The following CYB5R4 variants were observed in gnomAD, a reference collection of about 807,000 sequenced individuals.
CYB5R4 encodes N-terminal cytochrome b5 and cytochrome b5 oxidoreductase domain-containing protein.
A neutral mutation model predicts 70.2 loss-of-function variants in CYB5R4; 55 were observed. That is an observed-to-expected ratio of 0.78 (90% confidence interval 0.63 to 0.98). The LOEUF is 0.98. Ranked by LOEUF, CYB5R4 falls within the 50% of genes least tolerant of loss-of-function variation. The probability of loss-of-function intolerance (pLI) is 0.00; values close to 1 mark genes in which losing one functional copy is unlikely to be tolerated. For synonymous variants in CYB5R4, 197 were observed against 199.5 expected (o/e 0.99, Z 0.11); for missense variants, 562 against 612.6 (o/e 0.92, Z 0.87).
rs763425675 is a variant in CYB5R4, at chr6:83,859,824, G to A, written c.42G>A (p.Ser14=). The A allele has an allele frequency of 6.2e-7, 1 of 1,613,386 alleles. No homozygotes were observed. The highest frequency in any genetic ancestry group is 2.2e-5 in the East Asian group (1 of 44,842). ...VPSQSFPAPR[S]QQRVASGGRS... ...CCCAGTCTTTCCCGGCCCCCAGGTCGCAGCAGCGTGTCGCCTCCGGGGGGC... is the reference window on the plus strand; with the variant it reads ...CCCAGTCTTTCCCGGCCCCCAGGTCACAGCAGCGTGTCGCCTCCGGGGGGC... Residue 14 remains serine, a synonymous_variant, in exon 1 of 16, where the codon TCG becomes TCA. Coordinates refer to ENST00000369681, the MANE Select transcript of CYB5R4 (RefSeq NM_016230.4).
At chr6:83,864,137 A>G in intron 1 of CYB5R4, 38 bp from the exon 2 acceptor site, 1 of 1,501,208 alleles carries the variant, frequency 6.7e-7, no homozygotes, top group South Asian at 1.3e-5. Flanking sequence ...ATTAAAAGTA[A>G]TGAAGCTAGA....
intron 3 of CYB5R4, among the ~76,000 whole-genome samples, chr6:83,895,970 C>G (rs34223447): frequency 0.043 from 6,491 of 152,258 alleles, 141 homozygotes; most frequent in Middle Eastern, 0.048. Flanking sequence ...TCTTATCTTG[C>G]ATTTCCAAAT....
chr6:83,868,669 C>G (rs568729385), intron 2 of CYB5R4, among the ~76,000 whole-genome samples: 1 of 152,240 alleles, frequency 6.6e-6, no homozygotes, highest in Non-Finnish European at 1.5e-5. Context: ...ATATTTTTCT[C>G]TCTTGTTTCT....
intron 14 of CYB5R4, among the ~76,000 whole-genome samples, chr6:83,948,946 T>A (rs1745067483): frequency 6.6e-6 from 1 of 151,984 alleles, no homozygotes; most frequent in Non-Finnish European, 1.5e-5. Context: ...GCCTTTATCC[T>A]CCCTCTGCTG....
At chr6:83,899,822 C>A (rs2099462573) in intron 3 of CYB5R4, among the ~76,000 whole-genome samples, 1 of 152,108 alleles carries the variant, frequency 6.6e-6, no homozygotes, top group Non-Finnish European at 1.5e-5. Flanking sequence ...TCCCCTTTAT[C>A]ATTTTTTATT....
intron 14 of CYB5R4, among the ~76,000 whole-genome samples, chr6:83,949,747 G>C (rs1011021016): frequency 6.6e-6 from 1 of 152,102 alleles, no homozygotes; most frequent in Admixed American, 6.6e-5. Context: ...TTAGCAAATG[G>C]AATTCTTCAA....
intron 10 of CYB5R4, among the ~76,000 whole-genome samples, chr6:83,930,760 C>A (rs1385959178): frequency 6.6e-6 from 1 of 151,496 alleles, no homozygotes; most frequent in Non-Finnish European, 1.5e-5. Flanking sequence ...ATATTTGAAG[C>A]CCGCTGTTGA....
intron 5 of CYB5R4, among the ~76,000 whole-genome samples, chr6:83,915,722 T>G (rs1256343061): frequency 1.3e-5 from 2 of 152,224 alleles, no homozygotes; most frequent in Non-Finnish European, 2.9e-5. Context: ...CATATCTGTC[T>G]ATCTATATAT....
At chr6:83,862,386 A>G (rs2099456089) in intron 1 of CYB5R4, among the ~76,000 whole-genome samples, 1 of 152,256 alleles carries the variant, frequency 6.6e-6, no homozygotes, top group Non-Finnish European at 1.5e-5. Context: ...AATAGTGAAC[A>G]TTCAGTTATA....
At chr6:83,899,456 A>G (rs1185317766) in intron 3 of CYB5R4, among the ~76,000 whole-genome samples, 1 of 152,060 alleles carries the variant, frequency 6.6e-6, no homozygotes, top group Non-Finnish European at 1.5e-5. Flanking sequence ...CCAGGCTTTG[A>G]TATGAGGATG....
intron 3 of CYB5R4, among the ~76,000 whole-genome samples, chr6:83,902,998 T>C (rs2099463233): frequency 6.6e-6 from 1 of 152,128 alleles, no homozygotes; most frequent in African/African-American, 2.4e-5. Flanking sequence ...TCTTTTCTAA[T>C]ATGGATGCTT....
chr6:83,934,123 G>A (rs1038356757), intron 10 of CYB5R4, among the ~76,000 whole-genome samples: 2 of 151,814 alleles, frequency 1.3e-5, no homozygotes, highest in Admixed American at 6.6e-5. Flanking sequence ...AGAATGTACC[G>A]TGGCTCATGC....
At chr6:83,868,534 C>A (rs1404618527) in intron 2 of CYB5R4, among the ~76,000 whole-genome samples, 5 of 152,092 alleles carry the variant, frequency 3.3e-5, no homozygotes, top group African/African-American at 1.2e-4. Context: ...TAATTTTCAC[C>A]ATTTTCTGTA....
chr6:83,961,262 G>T lies in CYB5R4; in HGVS notation c.*1384G>T, dbSNP rs1046303304. Reference sequence around the variant, plus strand: ...ACAGGAATCTAGCTGTCCTGGACTGGTACTGTTCCCTGGTAGGTAACAAGA... The same window carrying T: ...ACAGGAATCTAGCTGTCCTGGACTGTTACTGTTCCCTGGTAGGTAACAAGA... On this transcript the variant is annotated 3_prime_UTR_variant, in exon 16 of 16. Coordinates refer to ENST00000369681, the MANE Select transcript of CYB5R4 (RefSeq NM_016230.4). The T allele has an allele frequency of 3.9e-5, 6 of 152,128 alleles. No homozygotes were observed. Among genetic ancestry groups the T allele is most frequent in the African/African-American group, 1.4e-4 (6 of 41,408 alleles). The allele number at this position is 152,128 out of a possible 1,614,324, so 9.4% of individuals were successfully genotyped here.
intron 10 of CYB5R4, 109 bp downstream of exon 10, chr6:83,924,701 T>C (rs1436633732): frequency 8.9e-7 from 1 of 1,126,122 alleles, no homozygotes; most frequent in East Asian, 2.4e-5. Context: ...GAAGGGTCCT[T>C]GTATCTACTG....
At chr6:83,955,745 T>C (rs1266772053) in intron 15 of CYB5R4, among the ~76,000 whole-genome samples, 1 of 152,204 alleles carries the variant, frequency 6.6e-6, no homozygotes, top group Non-Finnish European at 1.5e-5. Context: ...GCCACAATTC[T>C]TATTTGGGAC....
At chr6:83,875,326 G>A (rs1027550438) in intron 2 of CYB5R4, among the ~76,000 whole-genome samples, 12 of 151,894 alleles carry the variant, frequency 7.9e-5, no homozygotes, top group African/African-American at 2.9e-4. Context: ...GCCTAGGCTG[G>A]ACCCAAACTC....
intron 14 of CYB5R4, among the ~76,000 whole-genome samples, chr6:83,942,243 C>T (rs973647194): frequency 6.6e-5 from 10 of 152,138 alleles, no homozygotes; most frequent in African/African-American, 1.2e-4. Context: ...CACGGAAGGC[C>T]GGTGATTTCT....
At chr6:83,898,145 A>T (rs1327728241) in intron 3 of CYB5R4, among the ~76,000 whole-genome samples, 1 of 152,122 alleles carries the variant, frequency 6.6e-6, no homozygotes, top group African/African-American at 2.4e-5. Flanking sequence ...TTTGTGTAAG[A>T]TGTAAGGAAG....
Sources: allele counts gnomAD v4.1 joint callset (sites outside exome capture counted in the v4.1 genomes callset), GRCh38; gene constraint gnomAD v4.1.1; transcripts MANE v1.5; gene names NCBI Gene and HGNC (gene_info 2026-07-23, HGNC 2026-07-21).